The following AGMO variants were observed in gnomAD, a reference collection of about 807,000 sequenced individuals.
The protein encoded by AGMO is glyceryl-ether monooxygenase.
Under a neutral mutation model 60.2 loss-of-function variants are expected in AGMO, and 75 were observed. That is an observed-to-expected ratio of 1.25 (90% CI 1.03 to 1.51). The LOEUF is 1.51. Among genes scored for constraint, AGMO ranks in the 40% most tolerant of loss-of-function variants. The pLI, the probability that AGMO is intolerant of heterozygous loss-of-function variation, is 0.00. For synonymous variants in AGMO, 261 were observed against 177.1 expected (o/e 1.47, Z -3.76); for missense variants, 763 against 525.5 (o/e 1.45, Z -4.42).
At chr7:15,470,014 T>C (rs1368644112) in intron 3 of AGMO, among the ~76,000 whole-genome samples, 1 of 151,950 alleles carries the variant, frequency 6.6e-6, no homozygotes, top group Non-Finnish European at 1.5e-5. Flanking sequence ...AAAAACCCAA[T>C]AAAAACAACT....
the AGMO span, among the ~76,000 whole-genome samples, chr7:15,122,010 G>T: frequency 6.6e-6 from 1 of 152,028 alleles, no homozygotes; most frequent in Non-Finnish European, 1.5e-5. Context: ...AAGACTTCAC[G>T]ACTAAAACAC....
chr7:15,481,997 T>A (rs984154591), intron 3 of AGMO, among the ~76,000 whole-genome samples: 17 of 151,868 alleles, frequency 1.1e-4, no homozygotes, highest in Admixed American at 7.2e-4. Context: ...ACATAACATA[T>A]CACAAATTGT....
At chr7:15,165,764 T>C in the AGMO span, among the ~76,000 whole-genome samples, 2 of 152,180 alleles carry the variant, frequency 1.3e-5, no homozygotes, top group Non-Finnish European at 2.9e-5. Flanking sequence ...ATTGTAAAAC[T>C]ACCCAAGGTA....
intron 6 of AGMO, among the ~76,000 whole-genome samples, chr7:15,391,873 G>A (rs957425987): frequency 8.5e-5 from 13 of 152,156 alleles, no homozygotes; most frequent in Non-Finnish European, 1.0e-4. Context: ...GGCCAGTGAC[G>A]TTGCTAAATT....
At chr7:15,245,638 C>G (rs1351676888) in intron 12 of AGMO, among the ~76,000 whole-genome samples, 3 of 152,124 alleles carry the variant, frequency 2.0e-5, no homozygotes, top group Non-Finnish European at 2.9e-5. Context: ...TATACATGTT[C>G]TGAGTGCCTA....
intron 12 of AGMO, among the ~76,000 whole-genome samples, chr7:15,332,305 T>G (rs527572282): frequency 6.6e-6 from 1 of 152,268 alleles, no homozygotes; most frequent in African/African-American, 2.4e-5. Context: ...ACTCTGTGCC[T>G]GGTTCTGGTA....
At chr7:15,395,629 GA>G (rs1784342001) in intron 5 of AGMO, among the ~76,000 whole-genome samples, 1 of 152,098 alleles carries the variant, frequency 6.6e-6, no homozygotes, top group African/African-American at 2.4e-5. Context: ...AAGGACAACT[GA>G]TGCAAATTAA....
At chr7:15,546,951 C>T (rs1784797020) in intron 2 of AGMO, among the ~76,000 whole-genome samples, 1 of 152,112 alleles carries the variant, frequency 6.6e-6, no homozygotes. Context: ...AAATTGCTCA[C>T]TATTGTTCAT....
chr7:15,366,226 T>A lies in AGMO; in HGVS notation c.1075-4A>T. 1 of 1,599,168 alleles carries A rather than the reference T, an allele frequency of 6.3e-7. No homozygotes were observed. ...GGAGAGTAACTTGCGACAGTGCCTG[T>A]CAAACAAACACGGAGATCAATGGAG... is the stretch of plus-strand genomic sequence containing the variant. On this transcript the variant is annotated splice_region_variant and splice_polypyrimidine_tract_variant and intron_variant, in intron 10 of 12. Coordinates refer to ENST00000342526, the MANE Select transcript of AGMO (RefSeq NM_001004320.2).
intron 10 of AGMO, among the ~76,000 whole-genome samples, chr7:15,368,134 T>C (rs965981126): frequency 7.2e-5 from 11 of 151,960 alleles, no homozygotes; most frequent in Non-Finnish European, 1.6e-4. Flanking sequence ...AGGATTAGAA[T>C]GTTTAGGAAT....
At chr7:15,186,274 T>C in the AGMO span, among the ~76,000 whole-genome samples, 1 of 152,228 alleles carries the variant, frequency 6.6e-6, no homozygotes, top group African/African-American at 2.4e-5. Context: ...TCAGTTTTGA[T>C]TGAATGCAGA....
At chr7:15,437,523 A>AT (rs1781432864) in intron 3 of AGMO, among the ~76,000 whole-genome samples, 2 of 137,644 alleles carry the variant, frequency 1.5e-5, no homozygotes, top group African/African-American at 5.5e-5. Flanking sequence ...GAGCAACCAA[A>AT]TTTTTTCCTT....
the AGMO span, among the ~76,000 whole-genome samples, chr7:15,174,917 CTT>C: frequency 6.6e-6 from 1 of 151,692 alleles, no homozygotes; most frequent in Non-Finnish European, 1.5e-5. Flanking sequence ...ATAAGCCAAA[CTT>C]AATTCTTTTC....
intron 2 of AGMO, among the ~76,000 whole-genome samples, chr7:15,550,598 T>C (rs924470283): frequency 4.6e-5 from 7 of 151,070 alleles, no homozygotes; most frequent in Non-Finnish European, 7.4e-5. Context: ...ACACATACAC[T>C]CTCCCAAGAC....
chr7:15,341,126 T>A (rs1411229318), intron 12 of AGMO, among the ~76,000 whole-genome samples: 5 of 152,188 alleles, frequency 3.3e-5, no homozygotes, highest in Admixed American at 2.6e-4. Flanking sequence ...GGAGACATTT[T>A]CCCCTTGTCT....
the AGMO span, among the ~76,000 whole-genome samples, chr7:15,165,383 C>T: frequency 6.6e-6 from 1 of 152,014 alleles, no homozygotes; most frequent in East Asian, 1.9e-4. Context: ...AATCTATAAA[C>T]ATTAAAAAAT....
chr7:15,264,109 AAG>A (rs1783362665), intron 12 of AGMO, among the ~76,000 whole-genome samples: 1 of 151,932 alleles, frequency 6.6e-6, no homozygotes, highest in Non-Finnish European at 1.5e-5. Flanking sequence ...AATATTAGAA[AAG>A]AGAAGAAAGC....
intron 12 of AGMO, among the ~76,000 whole-genome samples, chr7:15,353,585 T>TAA (rs1473731543): frequency 6.6e-6 from 1 of 152,224 alleles, no homozygotes; most frequent in Non-Finnish European, 1.5e-5. Flanking sequence ...AATACTTTTT[T>TAA]AAAAAACTCA....
At chr7:15,431,273 T>C (rs927524977) in intron 3 of AGMO, among the ~76,000 whole-genome samples, 165 bp from the exon 4 acceptor site, 3 of 151,816 alleles carry the variant, frequency 2.0e-5, no homozygotes, top group African/African-American at 7.2e-5. Context: ...AAATAATTTT[T>C]GGAACCAAAG....
Sources: allele counts gnomAD v4.1 joint callset (sites outside exome capture counted in the v4.1 genomes callset), GRCh38; gene constraint gnomAD v4.1.1; transcripts MANE v1.5; gene names NCBI Gene and HGNC (gene_info 2026-07-23, HGNC 2026-07-21).